The following MYO6 variants were observed in gnomAD, a reference collection of about 807,000 sequenced individuals.
MYO6 encodes unconventional myosin-VI.
A neutral mutation model predicts 178.7 loss-of-function variants in MYO6; 74 were observed. The observed-to-expected ratio is 0.41, with a 90% confidence interval of 0.34 to 0.50. The LOEUF is 0.50. Ranked by LOEUF, MYO6 falls within the 20% of genes least tolerant of loss-of-function variation. The pLI is 0.09. For missense variants in MYO6, 1,330 were observed against 1,547.4 expected (o/e 0.86, Z 2.36); for synonymous variants, 477 against 504.6 (o/e 0.95, Z 0.73).
rs544064115 is a variant in MYO6, at chr6:75,762,928, C to T, written c.-48+13505C>T. ...TAGAGATAGGGGTCTTACTGTGTTG[C>T]CCAGGCTGGTATTGAACTCCTGGTC... On this transcript the variant is annotated intron_variant, in intron 1 of 34. Transcript: ENST00000369977. 2.6e-5 allele frequency among the ~76,000 whole-genome samples: 4 copies of T among 152,002 alleles called. No homozygotes were observed. The East Asian group carries it at 5.8e-4, about 22-fold the overall frequency.
intron 1 of MYO6, among the ~76,000 whole-genome samples, chr6:75,783,318 G>A (rs980053557): frequency 1.3e-5 from 2 of 152,158 alleles, no homozygotes; most frequent in African/African-American, 4.8e-5. Flanking sequence ...ACAAGGTCTT[G>A]TTTTGATTTT....
intron 1 of MYO6, among the ~76,000 whole-genome samples, chr6:75,801,334 AGAG>A (rs934255115): frequency 9.3e-5 from 14 of 151,114 alleles, no homozygotes; most frequent in African/African-American, 2.2e-4. Context: ...GGACGAGAGG[AGAG>A]GAGGAGGAGG....
At position 75,886,931 on chromosome 6, in the gene MYO6, C is replaced by T. The variant is rs150876010; in HGVS notation, c.2595C>T (p.Pro865=). The part of the protein sequence containing the change: ...EVVSVLKDGK[P]EMNKQIKNLE... Reference sequence around the variant, plus strand: ...TCAGTGTGTTGAAAGATGGAAAACCCGAGATGAATAAACAGATCAAGAATC... The same window carrying T: ...TCAGTGTGTTGAAAGATGGAAAACCTGAGATGAATAAACAGATCAAGAATC... Residue 865 remains proline, a synonymous_variant, in exon 25 of 35, where the codon CCC becomes CCT. Transcript: ENST00000369977. 1.9e-4 allele frequency: 311 copies of T among 1,613,446 alleles called. No individual in the cohort carries two copies. In the African/African-American group the frequency reaches 3.8e-3, roughly 20 times the overall value.
chr6:75,887,509 C>T lies in MYO6; in HGVS notation c.2658+515C>T, dbSNP rs537005099. Among the ~76,000 whole-genome samples the T allele has an allele frequency of 6.6e-5, 10 of 151,502 alleles. No individual in the cohort carries two copies. In the South Asian group the frequency reaches 1.9e-3, roughly 28 times the overall value. On this transcript the variant is annotated intron_variant, in intron 25 of 34. Transcript: ENST00000369977. ...ATACAAAACTAGCTGGGTGTGGTGGCGTGCACCTGTAATTCCAGCTGCTTG... is the reference window on the plus strand; with the variant it reads ...ATACAAAACTAGCTGGGTGTGGTGGTGTGCACCTGTAATTCCAGCTGCTTG...
chr6:75,785,924 AT>A (rs996920452), intron 1 of MYO6, among the ~76,000 whole-genome samples: 15 of 150,836 alleles, frequency 9.9e-5, no homozygotes, highest in East Asian at 9.7e-4. Context: ...AATTAAAACA[AT>A]TTTTTTTTGA....
intron 1 of MYO6, among the ~76,000 whole-genome samples, chr6:75,777,587 C>T (rs545619879): frequency 6.6e-6 from 1 of 151,882 alleles, no homozygotes; most frequent in East Asian, 1.9e-4. Flanking sequence ...GCCACCACAC[C>T]CAGCTAATTT....
In MYO6 at chr6:75,914,048, T is replaced by C; in HGVS notation, c.3440-15T>C. 2 of 1,613,416 alleles carry C rather than the reference T, an allele frequency of 1.2e-6. No individual in the cohort carries two copies. The highest frequency in any genetic ancestry group is 1.7e-6 in the Non-Finnish European group (2 of 1,179,826). On this transcript the variant is annotated splice_polypyrimidine_tract_variant and intron_variant, in intron 33 of 34. Transcript: ENST00000369977. ...CTTGAGCTGCTGGTATAACTTTCCT[T>C]GTTCTGTGTAATAGCTCAGCAAAAC...
At chr6:75,862,802 C>A in intron 16 of MYO6, 79 bp downstream of exon 16, 1 of 1,498,386 alleles carries the variant, frequency 6.7e-7, no homozygotes, top group Middle Eastern at 1.7e-4. Context: ...TTAGATATTA[C>A]TAGATAATTA....
chr6:75,823,953 T>C (rs1772171134), intron 3 of MYO6, among the ~76,000 whole-genome samples: 1 of 152,236 alleles, frequency 6.6e-6, no homozygotes, highest in Non-Finnish European at 1.5e-5. Context: ...TAGAATTCCC[T>C]TCCTTTCCAA....
intron 23 of MYO6, 143 bp from the exon 24 acceptor site, chr6:75,885,861 T>A: frequency 1.6e-6 from 1 of 620,590 alleles, no homozygotes; most frequent in Non-Finnish European, 2.9e-6. Flanking sequence ...GTTAAAACTT[T>A]GTTTTTGATG....
intron 19 of MYO6, among the ~76,000 whole-genome samples, chr6:75,872,806 G>T (rs1777256655): frequency 6.8e-6 from 1 of 147,898 alleles, no homozygotes; most frequent in Non-Finnish European, 1.5e-5. Context: ...TTTTGACGGA[G>T]TCTCACTCTG....
chr6:75,768,079 C>T (rs1778590157), intron 1 of MYO6: 2 of 151,560 alleles, frequency 1.3e-5, no homozygotes, highest in Admixed American at 6.6e-5. Flanking sequence ...AACATTTTAC[C>T]AGTTTGCATT....
In MYO6 at chr6:75,892,591, T is replaced by C; in HGVS notation, c.3008T>C (p.Leu1003Pro). 1 of 1,613,814 alleles carries C rather than the reference T, an allele frequency of 6.2e-7. No individual in the cohort carries two copies. The highest frequency in any genetic ancestry group is 8.5e-7 in the Non-Finnish European group (1 of 1,180,014). The change falls in exon 28 of 35, where the codon CTG (leucine) becomes CCG (proline). Residue 1003 changes from leucine to proline, a missense_variant. Leu to Pro is a moderately conservative substitution (Grantham distance 98, BLOSUM62 -3). Coordinates refer to ENST00000369977, the MANE Select transcript of MYO6 (RefSeq NM_004999.4). ...GAGGAATCCCAACAGCAAGCAGTTC[T>C]GGAGCAGGAGCGCAGGGACCGGGAG... is the stretch of plus-strand genomic sequence containing the variant. Reference protein sequence around the residue: ...KEEESQQQAVLEQERRDRELA... With the variant: ...KEEESQQQAVPEQERRDRELA...
In MYO6 at chr6:75,839,221, C is replaced by T. The variant is rs964784639; in HGVS notation, c.554-1364C>T. 4.6e-5 allele frequency among the ~76,000 whole-genome samples: 7 copies of T among 151,884 alleles called. No homozygotes were observed. In the South Asian group the frequency reaches 8.3e-4, roughly 18 times the overall value. On this transcript the variant is annotated intron_variant, in intron 7 of 34. Transcript: ENST00000369977. ...TATTTATTTTTTTGAGATGGAGTAT[C>T]GCTGTCTCCCAGGCTGGAGTGCAGT...
chr6:75,753,864 C>A (rs140939423), intron 1 of MYO6, among the ~76,000 whole-genome samples: 1 of 152,072 alleles, frequency 6.6e-6, no homozygotes, highest in South Asian at 2.1e-4. Flanking sequence ...TATTTTGCAA[C>A]GTCTTTCTAG....
chr6:75,895,398 A>G (rs751254261), intron 29 of MYO6, 138 bp downstream of exon 29: 9 of 726,618 alleles, frequency 1.2e-5, no homozygotes, highest in Non-Finnish European at 1.9e-5. Flanking sequence ...TTTCTTGTCT[A>G]GGAAAGTTTA....
chr6:75,805,021 A>ATATATTTTTTTTTTT (rs1252912172), intron 1 of MYO6, among the ~76,000 whole-genome samples: 2 of 77,284 alleles, frequency 2.6e-5, no homozygotes, highest in African/African-American at 2.0e-4. Flanking sequence ...ATATATATAT[A>ATATATTTTTTTTTTT]TTTTTTTTTT....
chr6:75,773,374 G>A (rs2150028058), intron 1 of MYO6, among the ~76,000 whole-genome samples: 1 of 152,258 alleles, frequency 6.6e-6, no homozygotes, highest in East Asian at 1.9e-4. Flanking sequence ...TTAGGAAACT[G>A]GAATTGATTA....
chr6:75,810,967 A>G (rs1232177834), intron 1 of MYO6, among the ~76,000 whole-genome samples: 2 of 151,604 alleles, frequency 1.3e-5, no homozygotes, highest in Non-Finnish European at 2.9e-5. Flanking sequence ...TGATTGTGCC[A>G]TTGCACTCCA....
Sources: allele counts gnomAD v4.1 joint callset (sites outside exome capture counted in the v4.1 genomes callset), GRCh38; gene constraint gnomAD v4.1.1; transcripts MANE v1.5; gene names NCBI Gene and HGNC (gene_info 2026-07-23, HGNC 2026-07-21).